Variants in PARD6B observed in about 807,000 individuals in gnomAD.
PARD6B encodes the protein partitioning defective 6 homolog beta.
PARD6B carries 4 observed loss-of-function variants against 10.5 expected under a neutral mutation model. The ratio of observed to expected loss-of-function variants is 0.38; its 90% CI spans 0.19 to 0.87. The LOEUF is 0.87. PARD6B is among the 40% of genes least tolerant of loss of function. The pLI is 0.41. For missense variants in PARD6B, 396 were observed against 470.6 expected (o/e 0.84, Z 1.47); for synonymous variants, 169 against 170.4 (o/e 0.99, Z 0.07).
intron 2 of PARD6B, among the ~76,000 whole-genome samples, chr20:50,741,665 C>CT (rs1430963487): frequency 1.3e-5 from 2 of 151,790 alleles, no homozygotes; most frequent in African/African-American, 4.8e-5. Flanking sequence ...GCCTCAGCCT[C>CT]TGAGTAGCTG....
In PARD6B at chr20:50,750,785, CTA is replaced by C. The variant is rs962258783; in HGVS notation, c.*298_*299del. On this transcript the variant is annotated 3_prime_UTR_variant, in exon 3 of 3. Coordinates refer to ENST00000371610, the MANE Select transcript of PARD6B (RefSeq NM_032521.3). ...ACATTCTTGGAACTATGTGAGAAGA[CTA>C]GATCATTTCTGTTGGAAGTGGTTGC... 6.2e-6 allele frequency: 7 copies of C among 1,128,730 alleles called. No individual in the cohort carries two copies. In the African/African-American group the frequency reaches 9.7e-5, roughly 16 times the overall value. The allele number at this position is 1,128,730 out of a possible 1,614,324, so 69.9% of individuals were successfully genotyped here.
chr20:50,752,775 C>T lies in PARD6B; in HGVS notation c.*2287C>T, dbSNP rs1266990498. ...GAAGAAGTCTTGATTACGTGAAGAT[C>T]ACTTGACTCAGAATACTTCAATGTA... On this transcript the variant is annotated 3_prime_UTR_variant, in exon 3 of 3. Coordinates refer to ENST00000371610, the MANE Select transcript of PARD6B (RefSeq NM_032521.3). 1.0e-5 allele frequency: 10 copies of T among 978,788 alleles called. No individual in the cohort carries two copies. Among genetic ancestry groups the T allele is most frequent in the Non-Finnish European group, 1.2e-5 (10 of 823,684 alleles). The allele number at this position is 978,788 out of a possible 1,614,324, so 60.6% of individuals were successfully genotyped here. A position where few individuals can be genotyped will look rare whatever the true frequency, so the allele number is the denominator to read the frequency against.
Position 50,752,843 on chromosome 20 carries a change from AACTG to A in PARD6B, c.*2360_*2363del. ...CTAAGCATATTATCAGTAAACTATT[AACTG>A]ACTGCACATTATGTAATACGTTGTA... On this transcript the variant is annotated 3_prime_UTR_variant, in exon 3 of 3. Coordinates refer to ENST00000371610, the MANE Select transcript of PARD6B (RefSeq NM_032521.3). 1 of 979,534 alleles carries A rather than the reference AACTG, an allele frequency of 1.0e-6. No homozygotes were observed. The highest frequency in any genetic ancestry group is 1.2e-6 in the Non-Finnish European group (1 of 824,204). 60.7% of individuals were successfully genotyped at this position (979,534 alleles called of 1,614,324 possible).
chr20:50,752,920 AT>A lies in PARD6B; in HGVS notation c.*2433del, dbSNP rs1392907574. 1 of 982,304 alleles carries A rather than the reference AT, an allele frequency of 1.0e-6. No homozygotes were observed. The allele number at this position is 982,304 out of a possible 1,614,324, so 60.8% of individuals were successfully genotyped here. On this transcript the variant is annotated 3_prime_UTR_variant, in exon 3 of 3. Coordinates refer to ENST00000371610, the MANE Select transcript of PARD6B (RefSeq NM_032521.3). ...TTCTTCCATTTATATGCTATTTTTA[AT>A]GGCATTCCGGCTTTAACATTCTGTG...
chr20:50,742,025 T>C (rs2087533427), intron 2 of PARD6B, among the ~76,000 whole-genome samples: 1 of 152,148 alleles, frequency 6.6e-6, no homozygotes, highest in African/African-American at 2.4e-5. Context: ...TAGGCATCAG[T>C]AAGGCAGAAG....
intron 2 of PARD6B, among the ~76,000 whole-genome samples, chr20:50,738,815 T>C (rs532035703): frequency 1.9e-4 from 29 of 152,250 alleles, no homozygotes; most frequent in African/African-American, 6.3e-4. Flanking sequence ...CTTTCTTTCT[T>C]TTTTTGTAAA....
At chr20:50,734,072 G>A (rs1238975266) in intron 1 of PARD6B, among the ~76,000 whole-genome samples, 2 of 152,164 alleles carry the variant, frequency 1.3e-5, no homozygotes, top group African/African-American at 4.8e-5. Context: ...CTAGGAACAT[G>A]TGCTGAATGA....
chr20:50,739,583 G>A (rs1179719911), intron 2 of PARD6B, among the ~76,000 whole-genome samples: 1 of 152,088 alleles, frequency 6.6e-6, no homozygotes, highest in Non-Finnish European at 1.5e-5. Context: ...TGCTTTCCTG[G>A]GTTTGGAGGA....
chr20:50,733,347 C>G (rs2087482557), intron 1 of PARD6B, among the ~76,000 whole-genome samples: 1 of 152,246 alleles, frequency 6.6e-6, no homozygotes, highest in South Asian at 2.1e-4. Context: ...TCGCTTGAAT[C>G]CGGGAGGTGG....
chr20:50,750,183 A>G lies in PARD6B; in HGVS notation c.814A>G (p.Ser272Gly). 6.2e-7 allele frequency: 1 copy of G among 1,614,230 alleles called. No individual in the cohort carries two copies. The highest frequency in any genetic ancestry group is 8.5e-7 in the Non-Finnish European group (1 of 1,180,040). Residue 272 changes from serine to glycine, a missense_variant, in exon 3 of 3, where the codon AGC (serine) becomes GGC (glycine). By Grantham distance (56) the Ser-to-Gly change is moderately conservative. Transcript: ENST00000371610. ...CAGTTCCGGTCAGTCTACTGATAAC[A>G]GCCTTCTTGGCTACCCACAGCAGAT... ...SGSSGQSTDN[S>G]LLGYPQQIEP...
Position 50,750,571 on chromosome 20 carries a change from C to A in PARD6B, c.*83C>A. On this transcript the variant is annotated 3_prime_UTR_variant, in exon 3 of 3. Transcript: ENST00000371610. ...AGTTTAAAAGCATATATACCTCTGACCAGTGACGTGGAATAGGCATGAGAC... is the reference window on the plus strand; with the variant it reads ...AGTTTAAAAGCATATATACCTCTGAACAGTGACGTGGAATAGGCATGAGAC... 1 of 1,486,588 alleles carries A rather than the reference C, an allele frequency of 6.7e-7. No homozygotes were observed. The highest frequency in any genetic ancestry group is 8.9e-7 in the Non-Finnish European group (1 of 1,124,180). 92.1% of individuals were successfully genotyped at this position (1,486,588 alleles called of 1,614,324 possible).
chr20:50,735,117 T>C (rs375599062), intron 1 of PARD6B, among the ~76,000 whole-genome samples: 6 of 150,782 alleles, frequency 4.0e-5, no homozygotes, highest in Admixed American at 6.6e-5. Flanking sequence ...GCCACTGCAC[T>C]TCAGAGCCTG....
intron 2 of PARD6B, among the ~76,000 whole-genome samples, chr20:50,743,218 T>C (rs1490549198): frequency 6.6e-6 from 1 of 152,202 alleles, no homozygotes; most frequent in African/African-American, 2.4e-5. Context: ...AGGTGGAGGA[T>C]CTGTTGATGT....
At chr20:50,747,009 A>G (rs2087570834) in intron 2 of PARD6B, among the ~76,000 whole-genome samples, 2 of 152,182 alleles carry the variant, frequency 1.3e-5, no homozygotes, top group African/African-American at 4.8e-5. Context: ...TAAGAGCCCA[A>G]TGCAAATACT....
chr20:50,747,122 CGCA>C (rs1568998121), intron 2 of PARD6B, among the ~76,000 whole-genome samples: 2 of 152,096 alleles, frequency 1.3e-5, no homozygotes, highest in East Asian at 3.8e-4. Context: ...AGAGTGTTCA[CGCA>C]GCATCAGAAA....
At chr20:50,743,343 A>C (rs2087541487) in intron 2 of PARD6B, among the ~76,000 whole-genome samples, 1 of 152,166 alleles carries the variant, frequency 6.6e-6, no homozygotes. Context: ...TCTTCGATTT[A>C]TTCTCGTTTT....
intron 2 of PARD6B, among the ~76,000 whole-genome samples, chr20:50,745,338 C>T (rs564870467): frequency 2.1e-4 from 32 of 151,070 alleles, no homozygotes; most frequent in African/African-American, 7.8e-4. Flanking sequence ...GAAGGAGAAT[C>T]GCTTGAACCC....
In PARD6B at chr20:50,752,078, AAATT is replaced by A. The variant is rs377231688; in HGVS notation, c.*1595_*1598del. The A allele has an allele frequency of 3.7e-4, 368 of 985,258 alleles. 2 individuals are homozygous for A. The African/African-American group carries it at 5.3e-3, about 14-fold the overall frequency. The allele number at this position is 985,258 out of a possible 1,614,324, so 61.0% of individuals were successfully genotyped here. On this transcript the variant is annotated 3_prime_UTR_variant, in exon 3 of 3. Transcript: ENST00000371610. Reference sequence around the variant, plus strand: ...TCCTTCCTATAGCTTTCATATTTTCAAATTAATTCTGTATGGCTATATAATTTAT... The same window carrying A: ...TCCTTCCTATAGCTTTCATATTTTCAAATTCTGTATGGCTATATAATTTAT...
Position 50,731,627 on chromosome 20 carries a change from C to T in PARD6B, c.-160C>T. On this transcript the variant is annotated 5_prime_UTR_variant, in exon 1 of 3. Transcript: ENST00000371610. ...TGTGAGCAGCTGGTGGAGTGGAGCT[C>T]AGCGCGGACGCCGGAGCTGCGGCCG... 1 of 508,296 alleles carries T rather than the reference C, an allele frequency of 2.0e-6. No individual in the cohort carries two copies. 31.5% of individuals were successfully genotyped at this position (508,296 alleles called of 1,614,324 possible).
Sources: gnomAD v4.1 joint callset for allele counts (sites outside exome capture counted in the v4.1 genomes callset) on GRCh38, gnomAD v4.1.1 for gene constraint, MANE v1.5 for transcripts, NCBI Gene and HGNC (gene_info 2026-07-23, HGNC 2026-07-21) for gene names.